The following PGM3 variants were observed in gnomAD, a reference collection of about 807,000 sequenced individuals.
PGM3 encodes phosphoglucomutase 3.
In PGM3, 40 loss-of-function variants were observed where a neutral mutation model predicts 66.2. The ratio of observed to expected loss-of-function variants is 0.60; its 90% CI spans 0.47 to 0.79. The LOEUF is 0.79. PGM3 is among the 30% of genes least tolerant of loss of function. PGM3 has a pLI of 0.00. For missense variants in PGM3, 537 were observed against 643.4 expected (o/e 0.83, Z 1.79); for synonymous variants, 191 against 224.2 (o/e 0.85, Z 1.32).
downstream of PGM3, among the ~76,000 whole-genome samples, chr6:83,157,949 T>A (rs1418594429): frequency 6.6e-6 from 1 of 152,186 alleles, no homozygotes; most frequent in African/African-American, 2.4e-5. Flanking sequence ...AAAATCTAGC[T>A]TTATAGTTTC....
chr6:83,158,645 T>C (rs1783415652), downstream of PGM3: 2 of 1,556,236 alleles, frequency 1.3e-6, no homozygotes, highest in Non-Finnish European at 8.8e-7. Flanking sequence ...TTAAATATAT[T>C]GTTGTCCATT....
upstream of PGM3, chr6:83,193,303 C>G (rs2295093): frequency 0.023 from 3,476 of 152,226 alleles, 104 homozygotes; most frequent in East Asian, 0.082. Flanking sequence ...CGTCGCCACG[C>G]CCCCTGGCCA....
At chr6:83,174,527 C>G in intron 9 of PGM3, 40 bp from the exon 10 acceptor site, 1 of 1,088,892 alleles carries the variant, frequency 9.2e-7, no homozygotes, top group Non-Finnish European at 1.3e-6. Flanking sequence ...AAAACACTAT[C>G]CAAAACCTAG....
chr6:83,171,904 T>C (rs1031203453), intron 11 of PGM3, 33 bp downstream of exon 11: 12 of 1,557,286 alleles, frequency 7.7e-6, no homozygotes, highest in Non-Finnish European at 1.1e-5. Flanking sequence ...TTAGCTAATA[T>C]TCAAAAAAGT....
At chr6:83,160,948 TTTAA>T (rs962436250), downstream of PGM3, among the ~76,000 whole-genome samples, 45 of 152,214 alleles carry the variant, frequency 3.0e-4, no homozygotes, top group African/African-American at 1.0e-3. Flanking sequence ...TTCTAGTTCC[TTTAA>T]TTTTCTCTTC....
the PGM3 span, chr6:83,155,921 T>C: frequency 5.0e-6 from 8 of 1,596,108 alleles, no homozygotes; most frequent in African/African-American, 2.7e-5. Context: ...CAGATGACAG[T>C]GTCACAGTCT....
intron 7 of PGM3, 140 bp downstream of exon 7, chr6:83,179,670 C>A: frequency 1.7e-6 from 1 of 597,008 alleles, no homozygotes. Context: ...TGGGTATTAC[C>A]ACTGCTCTTT....
chr6:83,159,698 A>T, downstream of PGM3: 1 of 1,337,804 alleles, frequency 7.5e-7, no homozygotes, highest in African/African-American at 1.4e-5. Context: ...TTATCTCAGG[A>T]TGATTATGAA....
the PGM3 span, chr6:83,155,878 G>A: frequency 2.0e-6 from 3 of 1,527,528 alleles, no homozygotes; most frequent in African/African-American, 4.2e-5. Context: ...AGAGCATCTA[G>A]CTATTTTAAA....
chr6:83,172,665 A>AC (rs993366621), intron 10 of PGM3, among the ~76,000 whole-genome samples: 3 of 152,050 alleles, frequency 2.0e-5, no homozygotes, highest in Middle Eastern at 3.4e-3. Context: ...TCTCAAAACA[A>AC]AACAACAACA....
chr6:83,188,593 A>G, intron 3 of PGM3, 21 bp downstream of exon 3: 1 of 1,509,176 alleles, frequency 6.6e-7, no homozygotes, highest in Non-Finnish European at 9.0e-7. Flanking sequence ...TTTTTTTTTT[A>G]CCAGTAACTC....
At chr6:83,159,682 G>C (rs1174261593), downstream of PGM3, 3 of 1,154,912 alleles carry the variant, frequency 2.6e-6, no homozygotes, top group Admixed American at 6.3e-5. Flanking sequence ...GCAATTACTG[G>C]CACATTTATC....
At chr6:83,183,105 C>G in intron 4 of PGM3, 127 bp from the exon 5 acceptor site, 1 of 803,452 alleles carries the variant, frequency 1.2e-6, no homozygotes, top group South Asian at 2.1e-5. Flanking sequence ...TCTTAGAAAA[C>G]ATAAAAATGA....
At chr6:83,173,020 C>G (rs1219898249) in intron 10 of PGM3, among the ~76,000 whole-genome samples, 4 of 152,114 alleles carry the variant, frequency 2.6e-5, no homozygotes, top group Non-Finnish European at 5.9e-5. Context: ...TATAAAACCA[C>G]CTTTAATCTT....
the PGM3 span, among the ~76,000 whole-genome samples, chr6:83,155,038 T>A: frequency 1.3e-5 from 2 of 152,164 alleles, no homozygotes; most frequent in Non-Finnish European, 2.9e-5. Flanking sequence ...ATTTTAAAAG[T>A]TGTGAAGGAA....
chr6:83,177,588 C>A (rs1787875480), intron 8 of PGM3, among the ~76,000 whole-genome samples: 1 of 152,178 alleles, frequency 6.6e-6, no homozygotes, highest in Non-Finnish European at 1.5e-5. Flanking sequence ...CATTCCAATA[C>A]AATTTGCTAA....
In PGM3 at chr6:83,168,957, C is replaced by A. The variant is rs951678634; in HGVS notation, c.*277G>T. 2.6e-6 allele frequency: 3 copies of A among 1,174,164 alleles called. No individual in the cohort carries two copies. The highest frequency in any genetic ancestry group is 2.1e-6 in the Non-Finnish European group (2 of 945,380). 72.7% of individuals were successfully genotyped at this position (1,174,164 alleles called of 1,614,324 possible). A position where few individuals can be genotyped will look rare whatever the true frequency, so the allele number is the denominator to read the frequency against. ...AGTAGCCTGCATGAATTGTTCCCCA[C>A]ATAAAACTGTACAGTTAGTGACTGA... On this transcript the variant is annotated 3_prime_UTR_variant, in exon 13 of 13. Transcript: ENST00000513973.
At chr6:83,188,859 G>GTTCTC in intron 2 of PGM3, 61 bp from the exon 3 acceptor site, 2 of 1,404,882 alleles carry the variant, frequency 1.4e-6, no homozygotes, top group Non-Finnish European at 2.0e-6. Context: ...GTTGAGAACA[G>GTTCTC]AACTCAAAAG....
chr6:83,175,549 G>A (rs1787698382), intron 9 of PGM3, among the ~76,000 whole-genome samples: 1 of 152,056 alleles, frequency 6.6e-6, no homozygotes, highest in Non-Finnish European at 1.5e-5. Flanking sequence ...AATGTAAATT[G>A]AAACATTTTA....
Sources: allele counts gnomAD v4.1 joint callset (sites outside exome capture counted in the v4.1 genomes callset), GRCh38; gene constraint gnomAD v4.1.1; transcripts MANE v1.5; gene names NCBI Gene and HGNC (gene_info 2026-07-23, HGNC 2026-07-21).